Variants in RAD9B observed in about 807,000 individuals in gnomAD.
The protein encoded by RAD9B is RAD9 checkpoint clamp component B.
Under a neutral mutation model 48.3 loss-of-function variants are expected in RAD9B, and 41 were observed. The ratio of observed to expected loss-of-function variants is 0.85; its 90% CI spans 0.66 to 1.10. RAD9B has a LOEUF of 1.10. Among genes scored for constraint, RAD9B ranks in the 50% least tolerant of loss-of-function variants. The probability of loss-of-function intolerance (pLI) is 0.00; values close to 1 mark genes in which losing one functional copy is unlikely to be tolerated. For missense variants in RAD9B, 444 were observed against 485.1 expected (o/e 0.92, Z 0.80); for synonymous variants, 160 against 157.9 (o/e 1.01, Z -0.10).
chr12:110,519,591 C>T (rs571647954), intron 8 of RAD9B, among the ~76,000 whole-genome samples: 36 of 151,742 alleles, frequency 2.4e-4, no homozygotes, highest in Admixed American at 3.9e-4. Context: ...CCATCATGCC[C>T]GGCTAATTTT....
intron 10 of RAD9B, among the ~76,000 whole-genome samples, chr12:110,522,722 C>G (rs2063822144): frequency 6.6e-6 from 1 of 152,128 alleles, no homozygotes; most frequent in African/African-American, 2.4e-5. Flanking sequence ...TATATTCTAT[C>G]TTGAATAACA....
At chr12:110,517,224 C>T (rs1009077384) in intron 6 of RAD9B, among the ~76,000 whole-genome samples, 4 of 151,978 alleles carry the variant, frequency 2.6e-5, no homozygotes, top group Non-Finnish European at 4.4e-5. Context: ...TATGCTGCAG[C>T]AGCTGAGGCA....
intron 10 of RAD9B, among the ~76,000 whole-genome samples, chr12:110,528,868 C>T (rs1460777012): frequency 6.6e-6 from 1 of 152,166 alleles, no homozygotes; most frequent in Non-Finnish European, 1.5e-5. Context: ...GCTGGGATTA[C>T]AGGCATGCAT....
intron 5 of RAD9B, among the ~76,000 whole-genome samples, chr12:110,514,291 A>T (rs574388331): frequency 6.6e-6 from 1 of 152,332 alleles, no homozygotes; most frequent in African/African-American, 2.4e-5. Flanking sequence ...TTTTATCTTA[A>T]TAATATCTCA....
rs779524724 is a variant in RAD9B, at chr12:110,503,882, T to A, written c.117+6T>A. The stretch of plus-strand genomic sequence containing the variant: ...TAGACCCATCTAAAAAAGGTGTAAG[T>A]AAGAAAGTTAACAGATCACGTATCA... On this transcript the variant is annotated splice_donor_region_variant and intron_variant, in intron 2 of 10. Transcript: ENST00000409300. 2 of 1,538,292 alleles carry A rather than the reference T, an allele frequency of 1.3e-6. No homozygotes were observed. Among genetic ancestry groups the A allele is most frequent in the South Asian group, 1.2e-5 (1 of 81,208 alleles).
chr12:110,518,195 G>GA (rs201639460), intron 6 of RAD9B, among the ~76,000 whole-genome samples: 34,108 of 136,448 alleles, frequency 0.25, 4,892 homozygotes, highest in East Asian at 0.57. Flanking sequence ...CGTCTCAAAA[G>GA]AAAAAAAAAA....
At chr12:110,527,011 T>C (rs2063967299) in intron 10 of RAD9B, among the ~76,000 whole-genome samples, 1 of 152,276 alleles carries the variant, frequency 6.6e-6, no homozygotes, top group Non-Finnish European at 1.5e-5. Flanking sequence ...ATTTAGTGGC[T>C]TGAAACAACA....
At position 110,531,672 on chromosome 12, in the gene RAD9B, A is replaced by G; in HGVS notation, c.*1019A>G. On this transcript the variant is annotated 3_prime_UTR_variant, in exon 11 of 11. Transcript: ENST00000409300. ...CACTGCCAAGACAGCCTGAGTTTGGAGTGGAATAAGGTGGAAGACAAATGT... is the reference window on the plus strand; with the variant it reads ...CACTGCCAAGACAGCCTGAGTTTGGGGTGGAATAAGGTGGAAGACAAATGT... The G allele has an allele frequency of 6.3e-7, 1 of 1,590,866 alleles. No homozygotes were observed. Among genetic ancestry groups the G allele is most frequent in the Non-Finnish European group, 8.6e-7 (1 of 1,166,570 alleles).
Position 110,530,885 on chromosome 12 carries a change from T to C in RAD9B, c.*232T>C. The C allele has an allele frequency of 8.0e-7, 1 of 1,254,778 alleles. No individual in the cohort carries two copies. 77.7% of individuals were successfully genotyped at this position (1,254,778 alleles called of 1,614,324 possible). ...TGCTACTTGTGAGGCAGAAGAGTTT[T>C]CTGTGAAGGAAAAAAGCCCATTAGA... is the stretch of plus-strand genomic sequence containing the variant. On this transcript the variant is annotated 3_prime_UTR_variant, in exon 11 of 11. Coordinates refer to ENST00000409300, the MANE Select transcript of RAD9B (RefSeq NM_001286535.2).
intron 5 of RAD9B, among the ~76,000 whole-genome samples, chr12:110,514,270 T>C (rs1457578778): frequency 6.8e-6 from 1 of 147,554 alleles, no homozygotes; most frequent in Non-Finnish European, 1.5e-5. Context: ...ACATAAATTC[T>C]AAGAATTTTA....
At chr12:110,503,420 G>GCTATTAAAA (rs1438564157) in intron 1 of RAD9B, 1 of 180,530 alleles carries the variant, frequency 5.5e-6, no homozygotes, top group Non-Finnish European at 1.2e-5. Context: ...TGGCTATCAA[G>GCTATTAAAA]CTATTAAAAC....
At chr12:110,504,269 G>A (rs896126565) in intron 2 of RAD9B, among the ~76,000 whole-genome samples, 3 of 151,862 alleles carry the variant, frequency 2.0e-5, no homozygotes, top group African/African-American at 7.3e-5. Flanking sequence ...AGGAGTTCGA[G>A]ACTAGCCTGG....
rs141247130 is a variant in RAD9B, at chr12:110,505,294, G to A, written c.118-323G>A. Among the ~76,000 whole-genome samples, 141 of 152,028 alleles carry A rather than the reference G, an allele frequency of 9.3e-4. 1 individual carries two copies. The highest frequency in any genetic ancestry group is 3.2e-3 in the African/African-American group (131 of 41,478). The stretch of plus-strand genomic sequence containing the variant: ...GTATATATTATAGGTGTACATATAT[G>A]TATATATATGCAAATTCAATACAGA... On this transcript the variant is annotated intron_variant, in intron 2 of 10. Transcript: ENST00000409300.
In RAD9B at chr12:110,512,792, T is replaced by G. The variant is rs2063497754; in HGVS notation, c.402T>G (p.Thr134=). ...ATTCTTTTTAAGGTATTAAAAGAACTCATAATATATGTTTTCAAGAAAGTC... is the reference window on the plus strand; with the variant it reads ...ATTCTTTTTAAGGTATTAAAAGAACGCATAATATATGTTTTCAAGAAAGTC... ...QFFYRHGIKR[T]HNICFQESQP... is the part of the protein sequence containing the mutation. The change falls in exon 5 of 11, where the codon ACT becomes ACG. Residue 134 remains threonine (T), a synonymous_variant. Transcript: ENST00000409300. 1 of 1,383,444 alleles carries G rather than the reference T, an allele frequency of 7.2e-7. No individual in the cohort carries two copies. Among genetic ancestry groups the G allele is most frequent in the South Asian group, 1.3e-5 (1 of 79,950 alleles). The allele number at this position is 1,383,444 out of a possible 1,614,324, so 85.7% of individuals were successfully genotyped here. A position where few individuals can be genotyped will look rare whatever the true frequency, so the allele number is the denominator to read the frequency against.
At chr12:110,506,952 G>A (rs569183343) in intron 4 of RAD9B, among the ~76,000 whole-genome samples, 1 of 151,520 alleles carries the variant, frequency 6.6e-6, no homozygotes, top group South Asian at 2.1e-4. Context: ...CAGTTCTCCC[G>A]CCTCAGCCTC....
At chr12:110,518,414 A>C (rs1448825833) in intron 6 of RAD9B, among the ~76,000 whole-genome samples, 2 of 152,230 alleles carry the variant, frequency 1.3e-5, no homozygotes, top group Non-Finnish European at 2.9e-5. Flanking sequence ...GAAATCTGGT[A>C]TTTAAACATA....
chr12:110,505,591 A>T, intron 2 of RAD9B, 26 bp from the exon 3 acceptor site: 1 of 1,534,990 alleles, frequency 6.5e-7, no homozygotes, highest in Non-Finnish European at 8.8e-7. Flanking sequence ...AACCTCTCCT[A>T]AATAGTTTTT....
chr12:110,520,628 C>CTTTTTT (rs71083129), intron 9 of RAD9B, among the ~76,000 whole-genome samples: 172 of 99,862 alleles, frequency 1.7e-3, no homozygotes, highest in Middle Eastern at 9.8e-3. Context: ...TTCTTGCTTT[C>CTTTTTT]TTTTTTTTTT....
At position 110,503,855 on chromosome 12, in the gene RAD9B, G is replaced by A; in HGVS notation, c.96G>A (p.Trp32Ter). 1 of 1,578,386 alleles carries A rather than the reference G, an allele frequency of 6.3e-7. No individual in the cohort carries two copies. Among genetic ancestry groups the A allele is most frequent in the Non-Finnish European group, 8.6e-7 (1 of 1,166,928 alleles). Residue 32 changes from tryptophan to a stop codon, truncating the protein, a stop_gained, in exon 2 of 11, where the codon TGG (tryptophan) becomes TGA (stop). Coordinates refer to ENST00000409300, the MANE Select transcript of RAD9B (RefSeq NM_001286535.2). LOFTEE classifies it high-confidence loss of function. Reference sequence around the variant, plus strand: ...TATCACGAATTAGTGACGAGTTCTGGCTAGACCCATCTAAAAAAGGTGTAA... The same window carrying A: ...TATCACGAATTAGTGACGAGTTCTGACTAGACCCATCTAAAAAAGGTGTAA... ...QALSRISDEF[W>*]LDPSKKGLAL...
Sources: gnomAD v4.1 joint callset for allele counts (sites outside exome capture counted in the v4.1 genomes callset) on GRCh38, gnomAD v4.1.1 for gene constraint, MANE v1.5 for transcripts, NCBI Gene and HGNC (gene_info 2026-07-23, HGNC 2026-07-21) for gene names.